The following DENND1B variants were observed in gnomAD, a reference collection of about 807,000 sequenced individuals.
DENND1B encodes the protein DENN domain containing 1B, also known as DENN domain-containing protein 1B.
DENND1B carries 59 observed loss-of-function variants against 90.1 expected under a neutral mutation model. The ratio of observed to expected loss-of-function variants is 0.65; its 90% CI spans 0.53 to 0.81. The LOEUF is 0.81. Ranked by LOEUF, DENND1B falls within the 40% of genes least tolerant of loss-of-function variation. The pLI is 0.00. For synonymous variants in DENND1B, 337 were observed against 324.6 expected (o/e 1.04, Z -0.41); for missense variants, 862 against 912.6 (o/e 0.94, Z 0.71).
At chr1:197,695,356 C>T (rs527675910) in intron 3 of DENND1B, among the ~76,000 whole-genome samples, 157 of 150,672 alleles carry the variant, frequency 1.0e-3, no homozygotes, top group African/African-American at 3.5e-3. Flanking sequence ...TACAAAGAAG[C>T]CGATAGGAAA....
chr1:197,625,947 G>A (rs1031262808), intron 10 of DENND1B, among the ~76,000 whole-genome samples: 5 of 152,008 alleles, frequency 3.3e-5, no homozygotes, highest in African/African-American at 1.2e-4. Flanking sequence ...AATGGCAAAG[G>A]GATCAATTCA....
At chr1:197,733,402 C>G (rs1187896747) in intron 2 of DENND1B, among the ~76,000 whole-genome samples, 1 of 152,202 alleles carries the variant, frequency 6.6e-6, no homozygotes, top group African/African-American at 2.4e-5. Context: ...TATTCTTCTA[C>G]CTTACCCAAC....
In DENND1B at chr1:197,516,748, C is replaced by T. The variant is rs1668425462; in HGVS notation, c.1516-3795G>A. ...CAATACCCAGCCAGTAACAGTACAT[C>T]TTCATCTAGGTTAACAAATCACAGA... On this transcript the variant is annotated intron_variant, in intron 20 of 22. Coordinates refer to ENST00000620048, the MANE Select transcript of DENND1B (RefSeq NM_001195215.2). Among the ~76,000 whole-genome samples, 2 of 151,732 alleles carry T rather than the reference C, an allele frequency of 1.3e-5. 1 individual carries two copies. The highest frequency in any genetic ancestry group is 4.2e-4 in the South Asian group (2 of 4,818).
chr1:197,727,797 G>T (rs1661782517), intron 2 of DENND1B, among the ~76,000 whole-genome samples: 1 of 151,984 alleles, frequency 6.6e-6, no homozygotes, highest in Non-Finnish European at 1.5e-5. Flanking sequence ...TACATGGCAG[G>T]CTCCTTTATG....
chr1:197,742,362 C>T (rs1747817), intron 2 of DENND1B, among the ~76,000 whole-genome samples: 123,549 of 152,116 alleles, frequency 0.81, 50,585 homozygotes, highest in African/African-American at 0.91. Flanking sequence ...ACTGAGTACC[C>T]ACTTATATAA....
intron 14 of DENND1B, among the ~76,000 whole-genome samples, chr1:197,584,148 G>GA (rs981136720): frequency 1.3e-5 from 2 of 151,134 alleles, no homozygotes; most frequent in South Asian, 2.1e-4. Flanking sequence ...ATAGAACTTT[G>GA]AAAAAAAATA....
At chr1:197,612,078 C>A (rs536871938) in intron 11 of DENND1B, 102 bp from the exon 12 acceptor site, 26 of 914,748 alleles carry the variant, frequency 2.8e-5, no homozygotes, top group Middle Eastern at 3.3e-4. Context: ...GTATTAAATG[C>A]TCAGTTCCAG....
At chr1:197,637,492 A>T (rs1679898244) in intron 10 of DENND1B, among the ~76,000 whole-genome samples, 1 of 152,188 alleles carries the variant, frequency 6.6e-6, no homozygotes, top group Admixed American at 6.5e-5. Flanking sequence ...TTATCACTAC[A>T]GGAGTTGGAA....
At chr1:197,652,395 C>A in intron 6 of DENND1B, 80 bp from the exon 7 acceptor site, 1 of 1,069,730 alleles carries the variant, frequency 9.3e-7, no homozygotes, top group Non-Finnish European at 1.3e-6. Context: ...ATAAAATAAT[C>A]TACTATGGCT....
intron 2 of DENND1B, chr1:197,734,921 T>C (rs1317141000): frequency 2.1e-5 from 21 of 985,186 alleles, no homozygotes; most frequent in Admixed American, 6.1e-5. Flanking sequence ...ACTCTTTTAA[T>C]AGACACATGA....
upstream of DENND1B, among the ~76,000 whole-genome samples, chr1:197,776,756 A>T (rs1398528832): frequency 6.6e-6 from 1 of 152,198 alleles, no homozygotes; most frequent in East Asian, 1.9e-4. Context: ...ACAGGATCAG[A>T]AATATTGTAT....
At chr1:197,728,195 T>C (rs1661825585) in intron 2 of DENND1B, among the ~76,000 whole-genome samples, 1 of 152,164 alleles carries the variant, frequency 6.6e-6, no homozygotes, top group South Asian at 2.1e-4. Context: ...TCTACAATTG[T>C]TTAAAAACTC....
chr1:197,542,371 G>T (rs190093834), intron 18 of DENND1B, among the ~76,000 whole-genome samples: 51 of 152,180 alleles, frequency 3.4e-4, no homozygotes, highest in East Asian at 3.3e-3. Flanking sequence ...GAACAGGATG[G>T]AATCATTATT....
intron 2 of DENND1B, among the ~76,000 whole-genome samples, chr1:197,747,965 G>A (rs1344864778): frequency 2.6e-5 from 4 of 152,116 alleles, no homozygotes; most frequent in Non-Finnish European, 2.9e-5. Context: ...GAAACCATAA[G>A]AGGCTAACCA....
chr1:197,572,711 C>T (rs945007625), intron 15 of DENND1B, among the ~76,000 whole-genome samples: 1 of 152,138 alleles, frequency 6.6e-6, no homozygotes, highest in African/African-American at 2.4e-5. Context: ...ACGAAGCTTC[C>T]AGAGGAAGAT....
intron 15 of DENND1B, among the ~76,000 whole-genome samples, chr1:197,553,919 G>A (rs1246843066): frequency 6.6e-6 from 1 of 152,018 alleles, no homozygotes; most frequent in Non-Finnish European, 1.5e-5. Context: ...AGCACCCGAA[G>A]ATCTTTTTCG....
intron 14 of DENND1B, among the ~76,000 whole-genome samples, chr1:197,587,164 G>A (rs1194311305): frequency 1.3e-5 from 2 of 152,168 alleles, no homozygotes; most frequent in Admixed American, 6.5e-5. Context: ...TTAAAGTTGA[G>A]TTGATCAATC....
intron 15 of DENND1B, among the ~76,000 whole-genome samples, chr1:197,557,545 T>G (rs1017705319): frequency 3.3e-5 from 5 of 151,910 alleles, no homozygotes; most frequent in African/African-American, 1.2e-4. Flanking sequence ...TAAAATGACA[T>G]GTGTTATCAC....
chr1:197,633,830 T>TA (rs1679546719), intron 10 of DENND1B, among the ~76,000 whole-genome samples: 1 of 152,150 alleles, frequency 6.6e-6, no homozygotes, highest in Admixed American at 6.5e-5. Flanking sequence ...TTCCCTTTGT[T>TA]AGTTTTTTAA....
Sources: allele counts gnomAD v4.1 joint callset (sites outside exome capture counted in the v4.1 genomes callset), GRCh38; gene constraint gnomAD v4.1.1; transcripts MANE v1.5; gene names NCBI Gene and HGNC (gene_info 2026-07-23, HGNC 2026-07-21).